Variants in DIAPH2 observed in about 807,000 individuals in gnomAD.
DIAPH2 encodes diaphanous related formin 2.
DIAPH2 carries 35 observed loss-of-function variants against 92.7 expected under a neutral mutation model. That is an observed-to-expected ratio of 0.38 (90% confidence interval 0.29 to 0.50). The LOEUF (loss-of-function observed/expected upper bound fraction) is 0.50, where lower values mean the gene tolerates loss of function less well. Among genes scored for constraint, DIAPH2 ranks in the 20% least tolerant of loss-of-function variants. The pLI, the probability that DIAPH2 is intolerant of heterozygous loss-of-function variation, is 0.94. For synonymous variants in DIAPH2, 301 were observed against 280.4 expected (o/e 1.07, Z -0.73); for missense variants, 701 against 819.5 (o/e 0.86, Z 1.77).
At chrX:97,332,953 T>A (rs2069014443) in intron 23 of DIAPH2, among the ~76,000 whole-genome samples, 1 of 112,302 alleles carries the variant, frequency 8.9e-6, no homozygotes, top group Non-Finnish European at 1.9e-5. Flanking sequence ...TTGGCAAAAT[T>A]CACACTGAGT....
chrX:96,886,199 C>T (rs889486430), intron 5 of DIAPH2, among the ~76,000 whole-genome samples: 2 of 109,843 alleles, frequency 1.8e-5, no homozygotes, highest in African/African-American at 6.6e-5. Context: ...AAATAATTGA[C>T]CATTAACGAA....
At chrX:97,538,856 A>T (rs958159429) in intron 26 of DIAPH2, among the ~76,000 whole-genome samples, 2 of 112,189 alleles carry the variant, frequency 1.8e-5, no homozygotes, top group African/African-American at 6.5e-5. Context: ...ATCCATCTCT[A>T]AAACACTGAA....
intron 24 of DIAPH2, among the ~76,000 whole-genome samples, chrX:97,369,938 G>C (rs1394757418): frequency 1.8e-5 from 2 of 111,438 alleles, no homozygotes; most frequent in East Asian, 5.6e-4. Context: ...CTAGACTTTA[G>C]AGTACGATTT....
chrX:97,200,167 C>T (rs1338855014), intron 22 of DIAPH2, among the ~76,000 whole-genome samples: 1 of 112,307 alleles, frequency 8.9e-6, no homozygotes, highest in South Asian at 3.7e-4. Context: ...CCAGATACTA[C>T]GCTTTTCCCA....
chrX:96,958,720 C>A (rs1331594738), intron 16 of DIAPH2, among the ~76,000 whole-genome samples: 2 of 111,291 alleles, frequency 1.8e-5, no homozygotes, highest in Non-Finnish European at 3.8e-5. Context: ...TCTCTCTTCA[C>A]CCTCCCACCT....
At position 96,962,432 on chromosome X, in the gene DIAPH2, T is replaced by C. The variant is rs372681110; in HGVS notation, c.1936-2661T>C. ...ATATATATATACACATATATATACA[T>C]ATATATATACATATATACACACACA... is the stretch of plus-strand genomic sequence containing the variant. On this transcript the variant is annotated intron_variant, in intron 16 of 26. Transcript: ENST00000324765. Among the ~76,000 whole-genome samples, 40 of 62,981 alleles carry C rather than the reference T, an allele frequency of 6.4e-4. 2 individuals are homozygous for C. The highest frequency in any genetic ancestry group is 2.4e-3 in the East Asian group (6 of 2,514). The allele number at this position is 62,981 out of a possible 115,157, so 54.7% of individuals were successfully genotyped here. A position where few individuals can be genotyped will look rare whatever the true frequency, so the allele number is the denominator to read the frequency against.
chrX:97,059,564 C>G (rs1291011167), intron 17 of DIAPH2, among the ~76,000 whole-genome samples: 1 of 111,923 alleles, frequency 8.9e-6, no homozygotes, highest in Non-Finnish European at 1.9e-5. Context: ...TACTATTGAC[C>G]AAAAGTCTTA....
chrX:96,780,973 A>C (rs1026636214), intron 4 of DIAPH2, among the ~76,000 whole-genome samples: 11 of 106,986 alleles, frequency 1.0e-4, no homozygotes, highest in Non-Finnish European at 1.9e-4. Flanking sequence ...CACCCGACTA[A>C]TTTTTGTATT....
intron 17 of DIAPH2, among the ~76,000 whole-genome samples, chrX:97,027,018 T>C (rs922278232): frequency 6.2e-5 from 7 of 112,140 alleles, no homozygotes; most frequent in African/African-American, 1.9e-4. Flanking sequence ...ACACATCTGG[T>C]ACTACAGGAA....
intron 3 of DIAPH2, among the ~76,000 whole-genome samples, chrX:96,751,931 G>A (rs2064196481): frequency 1.0e-5 from 1 of 98,601 alleles, no homozygotes; most frequent in African/African-American, 3.4e-5. Context: ...GGTATTACAG[G>A]CGTGAGCCAC....
At position 96,930,786 on chromosome X, in the gene DIAPH2, T is replaced by C. The variant is rs145309230; in HGVS notation, c.1032T>C (p.Asp344=). The C allele has an allele frequency of 2.4e-4, 292 of 1,202,056 alleles. No individual in the cohort carries two copies. The highest frequency in any genetic ancestry group is 2.9e-4 in the Non-Finnish European group (259 of 891,907). The part of the protein sequence containing the change: ...NALVTSPYEL[D]FRIHLRNEFL... ...TTGTCACTTCTCCTTATGAGCTTGA[T>C]TTTCGAATACATTTAAGGAATGAAT... Residue 344 remains aspartate, a synonymous_variant, in exon 10 of 27, where the codon GAT becomes GAC. Coordinates refer to ENST00000324765, the MANE Select transcript of DIAPH2 (RefSeq NM_006729.5).
chrX:96,748,155 T>A (rs1031773304), intron 3 of DIAPH2, among the ~76,000 whole-genome samples: 1 of 112,083 alleles, frequency 8.9e-6, no homozygotes, highest in Non-Finnish European at 1.9e-5. Context: ...CTGTTCTTGA[T>A]TTGTACAGAG....
At chrX:97,583,756 G>T (rs1292191584) in intron 26 of DIAPH2, among the ~76,000 whole-genome samples, 3 of 109,896 alleles carry the variant, frequency 2.7e-5, no homozygotes, top group African/African-American at 9.9e-5. Flanking sequence ...GGCAATGGCG[G>T]GCGCCCCTCC....
chrX:97,072,186 G>C (rs771147408), intron 17 of DIAPH2, among the ~76,000 whole-genome samples: 1 of 111,520 alleles, frequency 9.0e-6, no homozygotes, highest in Admixed American at 9.5e-5. Context: ...GGCCTACTTG[G>C]GGAGTTGGCT....
At chrX:96,818,679 G>A (rs2064756889) in intron 4 of DIAPH2, among the ~76,000 whole-genome samples, 1 of 112,068 alleles carries the variant, frequency 8.9e-6, no homozygotes, top group East Asian at 2.8e-4. Flanking sequence ...ATTGGGATCC[G>A]TTTTGTCACC....
At chrX:97,505,069 A>C (rs1309811307) in intron 26 of DIAPH2, among the ~76,000 whole-genome samples, 1 of 112,544 alleles carries the variant, frequency 8.9e-6, no homozygotes, top group East Asian at 2.8e-4. Flanking sequence ...GATGGGGTAC[A>C]AAATAGTCAT....
At chrX:97,570,102 A>C (rs1233192711) in intron 26 of DIAPH2, among the ~76,000 whole-genome samples, 1 of 31,721 alleles carries the variant, frequency 3.2e-5, no homozygotes, top group Non-Finnish European at 6.0e-5. Context: ...ATATATATAT[A>C]TATATATATA....
At chrX:97,137,270 C>CAT (rs57799375) in intron 21 of DIAPH2, among the ~76,000 whole-genome samples, 2,836 of 68,041 alleles carry the variant, frequency 0.042, 117 homozygotes, top group East Asian at 0.25. Flanking sequence ...CGCAGTTATA[C>CAT]ATATATATAT....
At chrX:97,147,634 T>G (rs921735708) in intron 22 of DIAPH2, among the ~76,000 whole-genome samples, 1 of 111,524 alleles carries the variant, frequency 9.0e-6, no homozygotes, top group Admixed American at 9.6e-5. Context: ...ATTATATTAA[T>G]GTATTTGAAG....
Sources: allele counts gnomAD v4.1 joint callset (sites outside exome capture counted in the v4.1 genomes callset), GRCh38; gene constraint gnomAD v4.1.1; transcripts MANE v1.5; gene names NCBI Gene and HGNC (gene_info 2026-07-23, HGNC 2026-07-21).